The following ANKS1B variants were observed in gnomAD, a reference collection of about 807,000 sequenced individuals.
The protein encoded by ANKS1B is ankyrin repeat and sterile alpha motif domain-containing protein 1B.
ANKS1B carries 36 observed loss-of-function variants against 148.3 expected under a neutral mutation model. That is an observed-to-expected ratio of 0.24 (90% CI 0.19 to 0.32). ANKS1B has a LOEUF of 0.32. Among genes scored for constraint, ANKS1B ranks in the 10% least tolerant of loss-of-function variants. The pLI, the probability that ANKS1B is intolerant of heterozygous loss-of-function variation, is 1.00. For missense variants in ANKS1B, 1,157 were observed against 1,542.6 expected, an observed-to-expected ratio of 0.75 and a Z score of 4.19; for synonymous variants, 542 against 560.8, an observed-to-expected ratio of 0.97 and a Z score of 0.47.
At chr12:98,971,783 A>G (rs1476487754) in intron 17 of ANKS1B, among the ~76,000 whole-genome samples, 1 of 152,170 alleles carries the variant, frequency 6.6e-6, no homozygotes, top group African/African-American at 2.4e-5. Flanking sequence ...GCCATCATGG[A>G]GTGTGGGAGA....
intron 10 of ANKS1B, among the ~76,000 whole-genome samples, chr12:99,448,244 A>T (rs1339394633): frequency 6.6e-6 from 1 of 152,150 alleles, no homozygotes; most frequent in Non-Finnish European, 1.5e-5. Flanking sequence ...TGTAATATAT[A>T]CATACAGTGG....
At chr12:99,271,346 T>C (rs1451820753) in intron 12 of ANKS1B, among the ~76,000 whole-genome samples, 1 of 152,132 alleles carries the variant, frequency 6.6e-6, no homozygotes, top group Non-Finnish European at 1.5e-5. Context: ...TTTCCTCAGG[T>C]TTGGTTAGGT....
chr12:99,164,576 G>A (rs1294214864), intron 14 of ANKS1B, among the ~76,000 whole-genome samples: 1 of 151,828 alleles, frequency 6.6e-6, no homozygotes, highest in East Asian at 1.9e-4. Context: ...ACTTTTCTAT[G>A]ATTATTTGAA....
chr12:99,123,013 T>TATATATATATATATAA (rs1406812994), intron 15 of ANKS1B, among the ~76,000 whole-genome samples: 37 of 145,688 alleles, frequency 2.5e-4, no homozygotes, highest in African/African-American at 9.1e-4. Flanking sequence ...TATATATATA[T>TATATATATATATATAA]AAACATGTAT....
intron 10 of ANKS1B, among the ~76,000 whole-genome samples, chr12:99,462,409 T>C (rs899854788): frequency 6.6e-6 from 1 of 152,238 alleles, no homozygotes; most frequent in African/African-American, 2.4e-5. Context: ...TGGATGGCTA[T>C]ATTGAGACTT....
intron 9 of ANKS1B, among the ~76,000 whole-genome samples, chr12:99,510,364 A>C (rs1289951649): frequency 6.6e-6 from 1 of 152,004 alleles, no homozygotes; most frequent in Non-Finnish European, 1.5e-5. Flanking sequence ...TTTCCATTCT[A>C]GATGCCATTC....
chr12:98,979,666 G>GTT (rs559545275), intron 17 of ANKS1B, among the ~76,000 whole-genome samples: 3 of 104,798 alleles, frequency 2.9e-5, no homozygotes, highest in African/African-American at 2.0e-4. Context: ...GATGCTTTTA[G>GTT]ATTTTTTTTT....
At chr12:99,722,063 G>A (rs1391532008) in intron 8 of ANKS1B, among the ~76,000 whole-genome samples, 9 of 152,208 alleles carry the variant, frequency 5.9e-5, no homozygotes, top group Admixed American at 5.2e-4. Flanking sequence ...AGAAACTGCA[G>A]AAGAAAATTT....
intron 9 of ANKS1B, among the ~76,000 whole-genome samples, chr12:99,588,563 C>A (rs1338819004): frequency 6.6e-6 from 1 of 152,004 alleles, no homozygotes; most frequent in Non-Finnish European, 1.5e-5. Context: ...ACTACAGGCA[C>A]CCGCCACTAC....
intron 17 of ANKS1B, among the ~76,000 whole-genome samples, chr12:99,002,287 A>G (rs1164454161): frequency 1.3e-5 from 2 of 152,174 alleles, no homozygotes; most frequent in Non-Finnish European, 2.9e-5. Context: ...AAGGGTTCCA[A>G]TGTCTCCACA....
chr12:99,443,925 C>A, intron 10 of ANKS1B, 116 bp from the exon 11 acceptor site: 1 of 1,202,958 alleles, frequency 8.3e-7, no homozygotes, highest in East Asian at 2.4e-5. Flanking sequence ...GTATCAATTA[C>A]AAGATCATAA....
chr12:98,831,316 C>G (rs1195089677), intron 18 of ANKS1B: 1 of 152,148 alleles, frequency 6.6e-6, no homozygotes, highest in Non-Finnish European at 1.5e-5. Context: ...TTTAGATTCT[C>G]TATTCTGAAT....
At chr12:99,776,275 G>A (rs2063638466) in intron 6 of ANKS1B, among the ~76,000 whole-genome samples, 1 of 152,054 alleles carries the variant, frequency 6.6e-6, no homozygotes, top group African/African-American at 2.4e-5. Flanking sequence ...TATAATATTA[G>A]GAATAGCAGC....
At chr12:99,056,156 G>C (rs1049007428) in intron 16 of ANKS1B, among the ~76,000 whole-genome samples, 1 of 152,188 alleles carries the variant, frequency 6.6e-6, no homozygotes, top group Non-Finnish European at 1.5e-5. Context: ...TCTGATGAAT[G>C]TTGTGGAAAT....
intron 11 of ANKS1B, among the ~76,000 whole-genome samples, chr12:99,427,755 A>C (rs772048456): frequency 1.3e-5 from 2 of 152,226 alleles, no homozygotes; most frequent in African/African-American, 2.4e-5. Flanking sequence ...AAACGGATGA[A>C]TGAATAAGGG....
chr12:99,318,618 C>G (rs572866930), intron 12 of ANKS1B, among the ~76,000 whole-genome samples: 1 of 152,088 alleles, frequency 6.6e-6, no homozygotes, highest in Non-Finnish European at 1.5e-5. Context: ...TTTCAAAAAA[C>G]CAGCTCCTGG....
intron 17 of ANKS1B, among the ~76,000 whole-genome samples, chr12:98,862,459 A>AGTT (rs2099604084): frequency 6.6e-6 from 1 of 152,024 alleles, no homozygotes; most frequent in Admixed American, 6.5e-5. Context: ...TGTAGCTAAC[A>AGTT]GTTATTATTA....
intron 12 of ANKS1B, among the ~76,000 whole-genome samples, chr12:99,385,949 T>G (rs1476504258): frequency 6.6e-6 from 1 of 152,200 alleles, no homozygotes; most frequent in African/African-American, 2.4e-5. Context: ...ACCGAGAGGT[T>G]TGTTTAGTTA....
intron 24 of ANKS1B, among the ~76,000 whole-genome samples, chr12:98,778,569 T>A (rs1455008362): frequency 6.6e-6 from 1 of 152,168 alleles, no homozygotes; most frequent in Non-Finnish European, 1.5e-5. Context: ...ATCTGCTCCT[T>A]TTCTGCTGTG....
Sources: allele counts gnomAD v4.1 joint callset (sites outside exome capture counted in the v4.1 genomes callset), GRCh38; gene constraint gnomAD v4.1.1; transcripts MANE v1.5; gene names NCBI Gene and HGNC (gene_info 2026-07-23, HGNC 2026-07-21).